The following ME1 variants were observed in gnomAD, a reference collection of about 807,000 sequenced individuals.
ME1 encodes malic enzyme 1.
A neutral mutation model predicts 66.4 loss-of-function variants in ME1; 74 were observed. The ratio of observed to expected loss-of-function variants is 1.11; its 90% CI spans 0.92 to 1.35. The LOEUF (loss-of-function observed/expected upper bound fraction) is 1.35. Among genes scored for constraint, ME1 ranks in the 40% most tolerant of loss-of-function variants. The pLI is 0.00. For missense variants in ME1, 750 were observed against 694.1 expected, an observed-to-expected ratio of 1.08 and a Z score of -0.90; for synonymous variants, 251 against 235.6, an observed-to-expected ratio of 1.07 and a Z score of -0.60.
intron 6 of ME1, among the ~76,000 whole-genome samples, chr6:83,291,554 T>A (rs1767503585): frequency 1.3e-5 from 2 of 152,168 alleles, no homozygotes; most frequent in African/African-American, 4.8e-5. Flanking sequence ...CCCTTAACAT[T>A]TTTTCCTTCA....
At chr6:83,300,904 G>C (rs1014181849) in intron 6 of ME1, among the ~76,000 whole-genome samples, 2 of 152,114 alleles carry the variant, frequency 1.3e-5, no homozygotes, top group African/African-American at 4.8e-5. Context: ...TAGAGACATG[G>C]ATGAAGCTGG....
At chr6:83,276,477 T>C (rs1144187) in intron 6 of ME1, among the ~76,000 whole-genome samples, 44,894 of 152,030 alleles carry the variant, frequency 0.3, 7,410 homozygotes, top group Middle Eastern at 0.48. Context: ...ATTAAAAGAC[T>C]TCTCAGATAT....
chr6:83,404,249 A>C (rs933232929), intron 2 of ME1, among the ~76,000 whole-genome samples: 4 of 148,940 alleles, frequency 2.7e-5, no homozygotes, highest in African/African-American at 9.7e-5. Context: ...CATTTCTCTA[A>C]TGACCAGTGA....
intron 7 of ME1, among the ~76,000 whole-genome samples, chr6:83,250,254 T>C (rs1249360151): frequency 2.0e-5 from 3 of 152,048 alleles, no homozygotes; most frequent in Admixed American, 1.3e-4. Flanking sequence ...TCCTTGAAAA[T>C]AACATTTATT....
rs151081726 is a variant in ME1, at chr6:83,358,592, TA to T, written c.363-6454del. 5.8e-3 allele frequency among the ~76,000 whole-genome samples: 887 copies of T among 152,298 alleles called. 8 individuals carry two copies. Among genetic ancestry groups the T allele is most frequent in the African/African-American group, 0.02 (848 of 41,548 alleles). Reference sequence around the variant, plus strand: ...CACAGCCTTGCCAGGTGTCTACTGTTAAAGTGAGGGCATCGATTAGAAAAGA... The same window carrying T: ...CACAGCCTTGCCAGGTGTCTACTGTTAAGTGAGGGCATCGATTAGAAAAGA... On this transcript the variant is annotated intron_variant, in intron 3 of 13. Transcript: ENST00000369705.
chr6:83,262,510 T>C (rs543005407), intron 6 of ME1, among the ~76,000 whole-genome samples: 67 of 152,304 alleles, frequency 4.4e-4, no homozygotes, highest in African/African-American at 1.6e-3. Flanking sequence ...GTAGTTTGAA[T>C]CACTAAATCT....
At chr6:83,220,875 T>C (rs12209246) in intron 12 of ME1, among the ~76,000 whole-genome samples, 6,259 of 152,204 alleles carry the variant, frequency 0.041, 233 homozygotes, top group East Asian at 0.17. Flanking sequence ...AAAGATAATC[T>C]ACAGGCCAGG....
At chr6:83,311,177 A>G (rs1767924312) in intron 6 of ME1, among the ~76,000 whole-genome samples, 2 of 152,152 alleles carry the variant, frequency 1.3e-5, no homozygotes, top group South Asian at 2.1e-4. Context: ...TTTTATCACA[A>G]TATAACCTAT....
chr6:83,239,940 A>G (rs908054284), intron 7 of ME1, among the ~76,000 whole-genome samples: 7 of 152,114 alleles, frequency 4.6e-5, no homozygotes, highest in Non-Finnish European at 8.8e-5. Flanking sequence ...TCAACAACCC[A>G]CTGACTAGCT....
chr6:83,390,232 A>C lies in ME1; in HGVS notation c.362+8135T>G, dbSNP rs1487369915. 1.1e-4 allele frequency among the ~76,000 whole-genome samples: 17 copies of C among 152,184 alleles called. No homozygotes were observed. In the East Asian group the frequency reaches 3.3e-3, roughly 29 times the overall value. ...GATATATTTGTTTGTAACTATGTTA[A>C]GCTCAGTACTTGAAGTACTTTTAAC... On this transcript the variant is annotated intron_variant, in intron 3 of 13. Transcript: ENST00000369705.
chr6:83,319,773 T>G (rs568084210), intron 5 of ME1, among the ~76,000 whole-genome samples: 1 of 152,198 alleles, frequency 6.6e-6, no homozygotes, highest in African/African-American at 2.4e-5. Flanking sequence ...CTCTTCCCCA[T>G]GTAGGTGGCC....
intron 6 of ME1, among the ~76,000 whole-genome samples, chr6:83,269,219 T>A (rs555031399): frequency 3.4e-4 from 52 of 152,274 alleles, no homozygotes; most frequent in African/African-American, 1.2e-3. Context: ...ATTTATTTTC[T>A]AAATCTTGTT....
At chr6:83,430,751 G>A (rs1454714739) in intron 1 of ME1, 126 bp downstream of exon 1, 1 of 777,026 alleles carries the variant, frequency 1.3e-6, no homozygotes, top group Non-Finnish European at 2.0e-6. Context: ...CCAGGCCGCG[G>A]CCGCTCACCG....
rs1768921889 is a variant in ME1, at chr6:83,357,902, C to CTCTCTCTCTCTCTCTCT, written c.363-5764_363-5763insAGAGAGAGAGAGAGAGA. Among the ~76,000 whole-genome samples, 40 of 31,542 alleles carry CTCTCTCTCTCTCTCTCT rather than the reference C, an allele frequency of 1.3e-3. 5 individuals are homozygous for CTCTCTCTCTCTCTCTCT. The highest frequency in any genetic ancestry group is 5.3e-3 in the South Asian group (3 of 568). The allele number at this position is 31,542 out of a possible 152,430, so 20.7% of individuals were successfully genotyped here. A position where few individuals can be genotyped will look rare whatever the true frequency, so the allele number is the denominator to read the frequency against. ...TGTTAGTTAATACTTAATAAACTCC[C>CTCTCTCTCTCTCTCTCT]CTCTCTCTCTCTCTCTCTCTCTCTC... On this transcript the variant is annotated intron_variant, in intron 3 of 13. Coordinates refer to ENST00000369705, the MANE Select transcript of ME1 (RefSeq NM_002395.6).
intron 3 of ME1, among the ~76,000 whole-genome samples, chr6:83,366,807 T>C (rs967158289): frequency 1.3e-5 from 2 of 152,194 alleles, no homozygotes; most frequent in Non-Finnish European, 2.9e-5. Flanking sequence ...AAGTCACTTA[T>C]GAGGGATTAA....
chr6:83,269,644 T>C (rs1486104722), intron 6 of ME1, among the ~76,000 whole-genome samples: 1 of 152,182 alleles, frequency 6.6e-6, no homozygotes, highest in Admixed American at 6.6e-5. Flanking sequence ...TTTGAAATAA[T>C]TACAGGCCTA....
chr6:83,237,859 G>C (rs1361057326), intron 8 of ME1, 29 bp from the exon 9 acceptor site: 1 of 1,269,894 alleles, frequency 7.9e-7, no homozygotes, highest in East Asian at 2.4e-5. Context: ...AAATTTTAAA[G>C]TTGTTCTACA....
chr6:83,364,785 T>G (rs552046685), intron 3 of ME1, among the ~76,000 whole-genome samples: 1 of 152,322 alleles, frequency 6.6e-6, no homozygotes, highest in African/African-American at 2.4e-5. Flanking sequence ...GCAGCAATAC[T>G]TCCAACAGGG....
chr6:83,380,491 C>A (rs1336914303), intron 3 of ME1, among the ~76,000 whole-genome samples: 2 of 151,644 alleles, frequency 1.3e-5, no homozygotes, highest in Non-Finnish European at 1.5e-5. Flanking sequence ...CAAGAAGAAC[C>A]TAGCTAAAAA....
Sources: allele counts gnomAD v4.1 joint callset (sites outside exome capture counted in the v4.1 genomes callset), GRCh38; gene constraint gnomAD v4.1.1; transcripts MANE v1.5; gene names NCBI Gene and HGNC (gene_info 2026-07-23, HGNC 2026-07-21).